YME1L1: variants seen among roughly 807,000 people sequenced by gnomAD.
YME1L1 encodes the protein YME1 like 1 ATPase.
A neutral mutation model predicts 90.4 loss-of-function variants in YME1L1; 39 were observed. The observed-to-expected ratio is 0.43, with a 90% CI of 0.33 to 0.56. The LOEUF (loss-of-function observed/expected upper bound fraction) is 0.56, where lower values mean the gene tolerates loss of function less well. Ranked by LOEUF, YME1L1 falls within the 20% of genes least tolerant of loss-of-function variation. The pLI is 0.03. For missense variants in YME1L1, 617 were observed against 868.4 expected (o/e 0.71, Z 3.64); for synonymous variants, 284 against 287.3 (o/e 0.99, Z 0.12).
chr10:27,150,727 A>C (rs915669500), intron 1 of YME1L1, among the ~76,000 whole-genome samples: 5 of 152,184 alleles, frequency 3.3e-5, no homozygotes, highest in Admixed American at 2.6e-4. Context: ...TAAAAAGGGG[A>C]GGAACCTTAG....
intron 4 of YME1L1, among the ~76,000 whole-genome samples, chr10:27,141,480 T>C (rs932747416): frequency 1.3e-5 from 2 of 152,162 alleles, no homozygotes; most frequent in African/African-American, 4.8e-5. Flanking sequence ...TGGACTATGC[T>C]AAATGAGCAG....
intron 9 of YME1L1, 91 bp downstream of exon 9, chr10:27,126,605 G>T: frequency 1.5e-6 from 1 of 655,602 alleles, no homozygotes; most frequent in Non-Finnish European, 2.5e-6. Flanking sequence ...ACTTTAATCA[G>T]TTAAAATTAA....
At chr10:27,128,890 T>C (rs1047803468) in intron 8 of YME1L1, among the ~76,000 whole-genome samples, 12 of 151,784 alleles carry the variant, frequency 7.9e-5, no homozygotes, top group South Asian at 2.1e-4. Context: ...GTCTGGGTGA[T>C]AGAGCCAGAC....
At chr10:27,123,818 C>T in intron 9 of YME1L1, 119 bp from the exon 10 acceptor site, 1 of 1,076,020 alleles carries the variant, frequency 9.3e-7, no homozygotes, top group Non-Finnish European at 1.3e-6. Flanking sequence ...ACACCAATAA[C>T]CAATATTTTG....
chr10:27,113,063 TA>T (rs978621744), intron 18 of YME1L1, among the ~76,000 whole-genome samples: 57 of 150,536 alleles, frequency 3.8e-4, no homozygotes, highest in African/African-American at 1.3e-3. Flanking sequence ...CTACAAAAAA[TA>T]ACAAAATTAG....
intron 3 of YME1L1, 96 bp downstream of exon 3, chr10:27,145,332 C>A (rs1403390163): frequency 2.8e-6 from 3 of 1,062,926 alleles, no homozygotes; most frequent in South Asian, 2.9e-5. Context: ...AAGAACCCAG[C>A]CCACAATAAA....
At chr10:27,135,102 AAC>A in intron 5 of YME1L1, 121 bp from the exon 6 acceptor site, 1 of 926,732 alleles carries the variant, frequency 1.1e-6, no homozygotes, top group Non-Finnish European at 1.6e-6. Flanking sequence ...AATGTGAAGA[AAC>A]AGATTAAGAC....
chr10:27,122,815 T>A, intron 11 of YME1L1, 26 bp downstream of exon 11: 3 of 1,611,754 alleles, frequency 1.9e-6, no homozygotes, highest in Non-Finnish European at 2.5e-6. Flanking sequence ...ATCACCATAT[T>A]CTAAGAAAAA....
At chr10:27,139,731 A>G (rs1219716664) in intron 4 of YME1L1, among the ~76,000 whole-genome samples, 2 of 152,106 alleles carry the variant, frequency 1.3e-5, no homozygotes, top group African/African-American at 4.8e-5. Context: ...GTCCATTTCA[A>G]CATATTTTTA....
chr10:27,122,295 G>A (rs750548754), intron 11 of YME1L1, among the ~76,000 whole-genome samples: 1 of 152,186 alleles, frequency 6.6e-6, no homozygotes, highest in South Asian at 2.1e-4. Context: ...AAGCTTAGGT[G>A]CCTGGTTAAT....
intron 3 of YME1L1, among the ~76,000 whole-genome samples, chr10:27,143,226 G>A (rs953781978): frequency 2.2e-4 from 34 of 151,876 alleles, no homozygotes; most frequent in African/African-American, 7.2e-4. Flanking sequence ...AAAATTAGCC[G>A]GGTGTGGTGG....
chr10:27,149,711 CAAAA>C (rs58900380), intron 1 of YME1L1, among the ~76,000 whole-genome samples: 51 of 32,370 alleles, frequency 1.6e-3, no homozygotes, highest in African/African-American at 3.5e-3. Context: ...ACCTGTCTCT[CAAAA>C]AAAAAAAAAA....
chr10:27,153,203 A>T (rs1183122647), intron 1 of YME1L1: 1 of 470,838 alleles, frequency 2.1e-6, no homozygotes, highest in Non-Finnish European at 4.4e-6. Context: ...TATTAAGAGA[A>T]GATTCCACAT....
At chr10:27,145,324 G>T in intron 3 of YME1L1, 104 bp downstream of exon 3, 13 of 849,820 alleles carry the variant, frequency 1.5e-5, no homozygotes, top group Non-Finnish European at 1.9e-5. Flanking sequence ...CTTCAGGAAA[G>T]AACCCAGCCC....
At chr10:27,150,920 CTTTTTTTTTTTTT>C (rs142259641) in intron 1 of YME1L1, among the ~76,000 whole-genome samples, 2 of 87,696 alleles carry the variant, frequency 2.3e-5, no homozygotes, top group African/African-American at 7.0e-5. Context: ...ACTCTCTCGC[CTTTTTTTTTTTTT>C]TTTTTTTTTT....
At chr10:27,146,790 C>A (rs760632049) in intron 2 of YME1L1, 2 of 152,910 alleles carry the variant, frequency 1.3e-5, no homozygotes, top group South Asian at 4.1e-4. Flanking sequence ...TCTGGGAATA[C>A]GGTACTTTTT....
intron 3 of YME1L1, among the ~76,000 whole-genome samples, chr10:27,142,746 C>T (rs994390355): frequency 4.0e-5 from 6 of 151,808 alleles, no homozygotes; most frequent in Admixed American, 1.3e-4. Context: ...GACGGAGTCC[C>T]GCTCTGTCGC....
Position 27,111,854 on chromosome 10 carries a change from G to C in YME1L1, c.*123C>G. The C allele has an allele frequency of 7.9e-7, 1 of 1,268,206 alleles. No homozygotes were observed. Among genetic ancestry groups the C allele is most frequent in the Admixed American group, 1.7e-5 (1 of 59,238 alleles). 78.6% of individuals were successfully genotyped at this position (1,268,206 alleles called of 1,614,324 possible). ...ATAAATGTGACAAATGATTGACAAAGCATTTCACACCCTTCAATTACACCA... is the reference window on the plus strand; with the variant it reads ...ATAAATGTGACAAATGATTGACAAACCATTTCACACCCTTCAATTACACCA... On this transcript the variant is annotated 3_prime_UTR_variant, in exon 19 of 19. Transcript: ENST00000376016.
rs139685465 is a variant in YME1L1, at chr10:27,147,618, T to C, written c.168+1288A>G. On this transcript the variant is annotated intron_variant, in intron 2 of 18. Transcript: ENST00000376016. ...ATCTGTACCCTTCGAATATTTTTCC[T>C]TTGCCAATTGAAACAATGTTAAGCT... is the stretch of plus-strand genomic sequence containing the variant. 1.0e-5 allele frequency: 16 copies of C among 1,557,132 alleles called. No homozygotes were observed. The African/African-American group carries it at 2.0e-4, about 20-fold the overall frequency.
Sources: allele counts gnomAD v4.1 joint callset (sites outside exome capture counted in the v4.1 genomes callset), GRCh38; gene constraint gnomAD v4.1.1; transcripts MANE v1.5; gene names NCBI Gene and HGNC (gene_info 2026-07-23, HGNC 2026-07-21).